Variants in INPP4B observed in about 807,000 individuals in gnomAD.
INPP4B encodes inositol polyphosphate 4-phosphatase type II.
In INPP4B, 55 loss-of-function variants were observed where a neutral mutation model predicts 122.5. The observed-to-expected ratio is 0.45, with a 90% CI of 0.36 to 0.56. The LOEUF is 0.56. Ranked by LOEUF, INPP4B falls within the 20% of genes least tolerant of loss-of-function variation. INPP4B has a pLI of 0.00. For synonymous variants in INPP4B, 403 were observed against 388.7 expected (o/e 1.04, Z -0.43); for missense variants, 1,000 against 1,097.7 (o/e 0.91, Z 1.26).
At chr4:142,244,842 C>T (rs1302091834) in intron 11 of INPP4B, among the ~76,000 whole-genome samples, 1 of 152,190 alleles carries the variant, frequency 6.6e-6, no homozygotes, top group Admixed American at 6.5e-5. Context: ...TACACTCCTA[C>T]CAACAGTGTA....
At chr4:142,128,342 TACACACACACACAC>T (rs3836673) in intron 18 of INPP4B, among the ~76,000 whole-genome samples, 10,050 of 147,538 alleles carry the variant, frequency 0.068, 362 homozygotes, top group Middle Eastern at 0.099. Context: ...CGTACTTTTA[TACACACACACACAC>T]ACACACACAC....
At chr4:142,684,111 A>G (rs559618209) in intron 2 of INPP4B, among the ~76,000 whole-genome samples, 1 of 152,180 alleles carries the variant, frequency 6.6e-6, no homozygotes, top group African/African-American at 2.4e-5. Context: ...GTTCATTGCA[A>G]AACTCCTCCA....
intron 15 of INPP4B, among the ~76,000 whole-genome samples, chr4:142,188,609 C>A: frequency 7.1e-6 from 1 of 140,912 alleles, no homozygotes; most frequent in Non-Finnish European, 1.5e-5. Flanking sequence ...ACTGACAAGT[C>A]AAAGGTCTAA....
chr4:142,034,867 T>C (rs1742856733), intron 25 of INPP4B, among the ~76,000 whole-genome samples: 1 of 152,132 alleles, frequency 6.6e-6, no homozygotes, highest in Non-Finnish European at 1.5e-5. Context: ...TCCATGGCTT[T>C]TCTAGGCCTG....
Position 142,192,545 on chromosome 4 carries a change from T to A in INPP4B, c.1181+542A>T, listed in dbSNP as rs570708009. ...CTTTATAAGGCAATATTTAAAAGCATGTAAAAACAAAAACTGGGGAAAGAG... is the reference window on the plus strand; with the variant it reads ...CTTTATAAGGCAATATTTAAAAGCAAGTAAAAACAAAAACTGGGGAAAGAG... On this transcript the variant is annotated intron_variant, in intron 15 of 25. Coordinates refer to ENST00000262992, the MANE Select transcript of INPP4B (RefSeq NM_001101669.3). Among the ~76,000 whole-genome samples, 84 of 152,132 alleles carry A rather than the reference T, an allele frequency of 5.5e-4. 1 individual carries two copies. The South Asian group carries it at 0.017, about 31-fold the overall frequency.
At chr4:142,357,781 G>T (rs987588950) in intron 7 of INPP4B, among the ~76,000 whole-genome samples, 1 of 151,992 alleles carries the variant, frequency 6.6e-6, no homozygotes, top group African/African-American at 2.4e-5. Flanking sequence ...TTAACTAGTT[G>T]TAATTATTTT....
intron 25 of INPP4B, among the ~76,000 whole-genome samples, chr4:142,038,756 G>T (rs1159456401): frequency 2.0e-5 from 3 of 152,218 alleles, no homozygotes; most frequent in Non-Finnish European, 2.9e-5. Context: ...ATGCTATGTA[G>T]TGTAAGGCGT....
At chr4:142,736,269 A>G (rs1190874498) in intron 1 of INPP4B, among the ~76,000 whole-genome samples, 1 of 152,120 alleles carries the variant, frequency 6.6e-6, no homozygotes, top group African/African-American at 2.4e-5. Context: ...GGCTTTCTTA[A>G]TTCTTCCTTC....
At chr4:142,661,836 A>G (rs1560934653) in intron 2 of INPP4B, among the ~76,000 whole-genome samples, 1 of 152,212 alleles carries the variant, frequency 6.6e-6, no homozygotes, top group Non-Finnish European at 1.5e-5. Context: ...AGCTAGTAGT[A>G]GATGCATATG....
At chr4:142,338,612 G>A (rs1018813274) in intron 7 of INPP4B, among the ~76,000 whole-genome samples, 1 of 152,054 alleles carries the variant, frequency 6.6e-6, no homozygotes, top group East Asian at 1.9e-4. Context: ...TGGGTGAGTT[G>A]GCTTTTGTTT....
intron 23 of INPP4B, among the ~76,000 whole-genome samples, chr4:142,086,696 G>A (rs1477731819): frequency 6.6e-6 from 1 of 152,126 alleles, no homozygotes; most frequent in Non-Finnish European, 1.5e-5. Flanking sequence ...TTGAAGCTAA[G>A]GGTGTCTGAG....
chr4:142,153,334 G>A (rs771385494), intron 17 of INPP4B, among the ~76,000 whole-genome samples: 10 of 152,066 alleles, frequency 6.6e-5, no homozygotes, highest in Non-Finnish European at 1.5e-4. Flanking sequence ...ATTTACCATA[G>A]TGTTTCCTTC....
intron 25 of INPP4B, among the ~76,000 whole-genome samples, chr4:142,049,613 G>A (rs1280389541): frequency 2.0e-5 from 3 of 151,888 alleles, no homozygotes; most frequent in Non-Finnish European, 4.4e-5. Flanking sequence ...TAAAGGGATA[G>A]GAAGAAAATA....
At chr4:142,424,770 A>G (rs186121695) in intron 5 of INPP4B, among the ~76,000 whole-genome samples, 1 of 152,218 alleles carries the variant, frequency 6.6e-6, no homozygotes, top group East Asian at 1.9e-4. Flanking sequence ...TGAATTTGAC[A>G]TAGAAGAAAA....
At chr4:142,815,091 C>T (rs1469189987) in intron 1 of INPP4B, among the ~76,000 whole-genome samples, 1 of 152,068 alleles carries the variant, frequency 6.6e-6, no homozygotes, top group Non-Finnish European at 1.5e-5. Flanking sequence ...GTCTTCCTCC[C>T]AAGAATGCAT....
intron 3 of INPP4B, among the ~76,000 whole-genome samples, chr4:142,451,679 C>T (rs909429592): frequency 2.0e-5 from 3 of 152,134 alleles, no homozygotes; most frequent in African/African-American, 7.2e-5. Context: ...AGATCACAAT[C>T]CCAGTCAAGA....
chr4:142,383,932 C>G (rs1372044526), intron 7 of INPP4B: 3 of 582,294 alleles, frequency 5.2e-6, no homozygotes, highest in Non-Finnish European at 6.1e-6. Flanking sequence ...AGCTATTTCA[C>G]AAGAAAACTG....
chr4:142,610,579 A>T (rs1742262589), intron 2 of INPP4B, among the ~76,000 whole-genome samples: 1 of 152,196 alleles, frequency 6.6e-6, no homozygotes, highest in Non-Finnish European at 1.5e-5. Context: ...AAATTAAAAA[A>T]ATTTAGACAG....
chr4:142,188,632 G>T (rs147923908), intron 15 of INPP4B, among the ~76,000 whole-genome samples: 38 of 150,054 alleles, frequency 2.5e-4, no homozygotes, highest in African/African-American at 8.8e-4. Flanking sequence ...GGAGTCTAGG[G>T]ATCATGCTAG....
Sources: gnomAD v4.1 joint callset for allele counts (sites outside exome capture counted in the v4.1 genomes callset) on GRCh38, gnomAD v4.1.1 for gene constraint, MANE v1.5 for transcripts, NCBI Gene and HGNC (gene_info 2026-07-23, HGNC 2026-07-21) for gene names.